KIAA0825: variants seen among roughly 807,000 people sequenced by gnomAD.
KIAA0825 encodes the protein KIAA0825.
KIAA0825 carries 119 observed loss-of-function variants against 147.6 expected under a neutral mutation model. That is an observed-to-expected ratio of 0.81 (90% CI 0.69 to 0.94). The LOEUF is 0.94. Among genes scored for constraint, KIAA0825 ranks in the 40% least tolerant of loss-of-function variants. The pLI is 0.00. For synonymous variants in KIAA0825, 470 were observed against 518.1 expected (o/e 0.91, Z 1.26); for missense variants, 1,381 against 1,472.7 (o/e 0.94, Z 1.02).
chr5:94,598,714 T>C (rs765028383), intron 1 of KIAA0825, among the ~76,000 whole-genome samples: 2 of 152,144 alleles, frequency 1.3e-5, no homozygotes, highest in Non-Finnish European at 2.9e-5. Flanking sequence ...AGTAATGCAT[T>C]ACACTACATA....
At chr5:94,265,299 T>C (rs1472776170) in intron 20 of KIAA0825, among the ~76,000 whole-genome samples, 1 of 152,232 alleles carries the variant, frequency 6.6e-6, no homozygotes, top group East Asian at 1.9e-4. Flanking sequence ...GTGAGGTTTG[T>C]GGACTGTTGT....
chr5:94,394,669 T>C (rs1463261654), intron 17 of KIAA0825, among the ~76,000 whole-genome samples: 1 of 152,216 alleles, frequency 6.6e-6, no homozygotes, highest in Non-Finnish European at 1.5e-5. Flanking sequence ...TTTGTCACTA[T>C]AATCAGATAT....
At chr5:94,217,853 G>C (rs143936989) in intron 20 of KIAA0825, among the ~76,000 whole-genome samples, 1 of 151,734 alleles carries the variant, frequency 6.6e-6, no homozygotes, top group African/African-American at 2.4e-5. Flanking sequence ...AAGGCAATAC[G>C]TTTTTTTAAC....
chr5:94,377,834 A>G (rs1482950298), intron 20 of KIAA0825, among the ~76,000 whole-genome samples: 1 of 152,190 alleles, frequency 6.6e-6, no homozygotes, highest in Non-Finnish European at 1.5e-5. Flanking sequence ...ATAATCACTC[A>G]TAATTAGTTT....
intron 3 of KIAA0825, among the ~76,000 whole-genome samples, chr5:94,531,929 TTGTGTG>T (rs754794025): frequency 1.3e-5 from 2 of 151,830 alleles, no homozygotes; most frequent in South Asian, 4.2e-4. Context: ...ATATTAATAT[TTGTGTG>T]TGTGTGTGAG....
At chr5:94,332,223 CTTTCT>C (rs957203236) in intron 20 of KIAA0825, among the ~76,000 whole-genome samples, 1 of 142,990 alleles carries the variant, frequency 7.0e-6, no homozygotes, top group African/African-American at 2.5e-5. Context: ...CTTTTCTTTT[CTTTCT>C]TTTTTTTTTT....
At chr5:94,332,325 C>T (rs1162627347) in intron 20 of KIAA0825, among the ~76,000 whole-genome samples, 1 of 151,412 alleles carries the variant, frequency 6.6e-6, no homozygotes, top group Admixed American at 6.6e-5. Context: ...TTTGCTACAC[C>T]CATCAACACG....
At chr5:94,576,035 T>C (rs1470070692) in intron 2 of KIAA0825, among the ~76,000 whole-genome samples, 1 of 152,150 alleles carries the variant, frequency 6.6e-6, no homozygotes, top group African/African-American at 2.4e-5. Context: ...ATAATGATTT[T>C]GAGTAGGCCG....
At chr5:94,431,634 AAC>A (rs1396708961) in intron 14 of KIAA0825, among the ~76,000 whole-genome samples, 1 of 152,352 alleles carries the variant, frequency 6.6e-6, no homozygotes. Flanking sequence ...ATGCCAGGTA[AAC>A]AGAGACAAGA....
intron 20 of KIAA0825, among the ~76,000 whole-genome samples, chr5:94,224,076 T>TCTTTC: frequency 7.1e-6 from 1 of 140,294 alleles, no homozygotes; most frequent in Non-Finnish European, 1.5e-5. Context: ...TCTTTCTTTT[T>TCTTTC]CTTTTCTTTT....
At chr5:94,246,598 T>A (rs1295762985) in intron 20 of KIAA0825, among the ~76,000 whole-genome samples, 1 of 152,184 alleles carries the variant, frequency 6.6e-6, no homozygotes, top group Non-Finnish European at 1.5e-5. Context: ...TTGTCCCCTT[T>A]GTTTATAGAA....
chr5:94,613,464 G>A (rs951202756), intron 1 of KIAA0825, among the ~76,000 whole-genome samples: 6 of 152,198 alleles, frequency 3.9e-5, no homozygotes, highest in African/African-American at 1.4e-4. Context: ...CTCCCAAAGT[G>A]CTGGGATTAC....
Position 94,422,169 on chromosome 5 carries a change from A to G in KIAA0825, c.2498-4804T>C, listed in dbSNP as rs556362364. Among the ~76,000 whole-genome samples, 152 of 152,272 alleles carry G rather than the reference A, an allele frequency of 1.0e-3. 1 individual carries two copies. Among genetic ancestry groups the G allele is most frequent in the Non-Finnish European group, 1.1e-3 (72 of 68,012 alleles). ...AGAAGCAGGAAGGTCTCTTTGACCT[A>G]CTACTGCCCTTTTACCCTGAAGCAG... is the stretch of plus-strand genomic sequence containing the variant. On this transcript the variant is annotated intron_variant, in intron 14 of 20. Coordinates refer to ENST00000682413, the MANE Select transcript of KIAA0825 (RefSeq NM_001145678.3).
intron 20 of KIAA0825, among the ~76,000 whole-genome samples, chr5:94,329,105 A>G (rs539099589): frequency 1.8e-4 from 27 of 152,234 alleles, no homozygotes; most frequent in Non-Finnish European, 3.8e-4. Context: ...TTGCCACATT[A>G]CCTCAGTATT....
intron 2 of KIAA0825, 75 bp from the exon 3 acceptor site, chr5:94,537,202 ACCT>A (rs1282668466): frequency 8.3e-7 from 1 of 1,209,978 alleles, no homozygotes; most frequent in African/African-American, 1.5e-5. Context: ...GCAGAAATTC[ACCT>A]CAAGTTGTGA....
intron 17 of KIAA0825, among the ~76,000 whole-genome samples, chr5:94,393,699 C>T (rs866983036): frequency 1.3e-5 from 2 of 152,078 alleles, no homozygotes; most frequent in Non-Finnish European, 2.9e-5. Flanking sequence ...CAACCCTCTA[C>T]CTAATACAGG....
intron 18 of KIAA0825, among the ~76,000 whole-genome samples, chr5:94,388,232 A>G (rs1425349485): frequency 1.3e-5 from 2 of 152,190 alleles, no homozygotes; most frequent in Admixed American, 1.3e-4. Context: ...TGCTGCTGAT[A>G]TGACGATAGG....
intron 20 of KIAA0825, among the ~76,000 whole-genome samples, chr5:94,211,163 A>C (rs1772673338): frequency 6.6e-6 from 1 of 152,192 alleles, no homozygotes; most frequent in African/African-American, 2.4e-5. Context: ...ATACAACTAA[A>C]ACTTAAAATG....
chr5:94,296,542 T>C (rs1841299), intron 20 of KIAA0825, among the ~76,000 whole-genome samples: 68,242 of 152,010 alleles, frequency 0.45, 15,570 homozygotes, highest in Non-Finnish European at 0.48. Flanking sequence ...TGTAGGCAGC[T>C]GAGGGAATCT....
Sources: gnomAD v4.1 joint callset for allele counts (sites outside exome capture counted in the v4.1 genomes callset) on GRCh38, gnomAD v4.1.1 for gene constraint, MANE v1.5 for transcripts, NCBI Gene and HGNC (gene_info 2026-07-23, HGNC 2026-07-21) for gene names.